The following C3orf20 variants were observed in gnomAD, a reference collection of about 807,000 sequenced individuals.
C3orf20 encodes uncharacterized protein C3orf20.
C3orf20 carries 76 observed loss-of-function variants against 88.3 expected under a neutral mutation model. The ratio of observed to expected loss-of-function variants is 0.86; its 90% CI spans 0.72 to 1.04. The LOEUF (loss-of-function observed/expected upper bound fraction) is 1.04, where lower values mean the gene tolerates loss of function less well. Among genes scored for constraint, C3orf20 ranks in the 50% least tolerant of loss-of-function variants. The pLI is 0.00. For missense variants in C3orf20, 1,056 were observed against 1,123.3 expected, an observed-to-expected ratio of 0.94 and a Z score of 0.86; for synonymous variants, 436 against 437.4, an observed-to-expected ratio of 1.00 and a Z score of 0.04.
intron 10 of C3orf20, among the ~76,000 whole-genome samples, chr3:14,723,149 G>T (rs2034226289): frequency 6.6e-6 from 1 of 152,222 alleles, no homozygotes; most frequent in African/African-American, 2.4e-5. Context: ...TGGTTTGGAT[G>T]ATAGATTATA....
chr3:14,770,069 G>T (rs919563619), intron 15 of C3orf20, among the ~76,000 whole-genome samples: 1 of 152,116 alleles, frequency 6.6e-6, no homozygotes, highest in Non-Finnish European at 1.5e-5. Context: ...GGGGCTCTAG[G>T]GGGGCCCTGG....
intron 1 of C3orf20, among the ~76,000 whole-genome samples, chr3:14,680,721 C>T (rs1056884758): frequency 3.3e-5 from 5 of 152,174 alleles, no homozygotes; most frequent in Non-Finnish European, 7.3e-5. Flanking sequence ...AACAAAGGAA[C>T]TGGTGGCAGG....
At chr3:14,739,927 A>T (rs2034850812) in intron 12 of C3orf20, among the ~76,000 whole-genome samples, 1 of 152,248 alleles carries the variant, frequency 6.6e-6, no homozygotes, top group Non-Finnish European at 1.5e-5. Flanking sequence ...GCCTTGCTCC[A>T]GATTAGGCAC....
At chr3:14,730,549 AAAT>A (rs370620909) in intron 12 of C3orf20, among the ~76,000 whole-genome samples, 6 of 151,854 alleles carry the variant, frequency 4.0e-5, no homozygotes, top group Non-Finnish European at 7.4e-5. Flanking sequence ...TGTGTCTCAA[AAAT>A]AATAATAATA....
At chr3:14,748,513 T>C (rs2035124346) in intron 12 of C3orf20, among the ~76,000 whole-genome samples, 1 of 152,138 alleles carries the variant, frequency 6.6e-6, no homozygotes, top group South Asian at 2.1e-4. Flanking sequence ...GTTTAGTTTG[T>C]TCTTCTTCTT....
chr3:14,723,970 C>T (rs1575127442), intron 10 of C3orf20, among the ~76,000 whole-genome samples: 1 of 152,070 alleles, frequency 6.6e-6, no homozygotes, highest in Non-Finnish European at 1.5e-5. Context: ...CAGGTGCCTA[C>T]CACCACACCA....
At chr3:14,733,877 C>T (rs530642952) in intron 12 of C3orf20, among the ~76,000 whole-genome samples, 58 of 151,954 alleles carry the variant, frequency 3.8e-4, no homozygotes, top group Admixed American at 5.9e-4. Flanking sequence ...TTAGTAGGGA[C>T]GGGGTTTCAC....
intron 6 of C3orf20, 145 bp from the exon 7 acceptor site, chr3:14,704,192 G>A: frequency 2.5e-6 from 2 of 813,448 alleles, no homozygotes; most frequent in East Asian, 2.6e-5. Flanking sequence ...TACCTTTATG[G>A]ACGAGGGAGC....
intron 10 of C3orf20, among the ~76,000 whole-genome samples, chr3:14,725,968 A>G (rs1380097664): frequency 1.3e-5 from 2 of 152,278 alleles, no homozygotes; most frequent in Non-Finnish European, 1.5e-5. Context: ...GGCTGAGGAA[A>G]TCAGGGAAGG....
intron 12 of C3orf20, among the ~76,000 whole-genome samples, chr3:14,754,906 G>C (rs1225311660): frequency 6.6e-6 from 1 of 151,950 alleles, no homozygotes; most frequent in Non-Finnish European, 1.5e-5. Flanking sequence ...TTAATTTTTA[G>C]TAGAGATGAT....
chr3:14,746,201 A>G (rs1428196614), intron 12 of C3orf20, among the ~76,000 whole-genome samples: 3 of 152,334 alleles, frequency 2.0e-5, no homozygotes, highest in Admixed American at 6.5e-5. Flanking sequence ...GTCCAATAAC[A>G]AGGAAAGTTG....
At position 14,713,062 on chromosome 3, in the gene C3orf20, T is replaced by C. The variant is rs148780558; in HGVS notation, c.1161-945T>C. Among the ~76,000 whole-genome samples the C allele has an allele frequency of 2.2e-4, 33 of 152,340 alleles. No homozygotes were observed. The East Asian group carries it at 2.9e-3, about 13-fold the overall frequency. On this transcript the variant is annotated intron_variant, in intron 7 of 16. Transcript: ENST00000253697. The stretch of plus-strand genomic sequence containing the variant: ...TCTTATATAAGATTAATCTCTTTTT[T>C]CTTGCTGCTTTCAAGATTCCCTCTT...
At chr3:14,681,922 C>T (rs896065148) in intron 1 of C3orf20, among the ~76,000 whole-genome samples, 4 of 152,144 alleles carry the variant, frequency 2.6e-5, no homozygotes, top group African/African-American at 9.7e-5. Flanking sequence ...TCAGGGTAAA[C>T]ATTACTGTAG....
Position 14,768,778 on chromosome 3 carries a change from T to C in C3orf20, c.2496-3289T>C, listed in dbSNP as rs373127390. 6.6e-6 allele frequency among the ~76,000 whole-genome samples: 1 copy of C among 152,054 alleles called. No individual in the cohort carries two copies. The highest frequency in any genetic ancestry group is 2.4e-5 in the African/African-American group (1 of 41,342). On this transcript the variant is annotated intron_variant, in intron 15 of 16. Coordinates refer to ENST00000253697, the MANE Select transcript of C3orf20 (RefSeq NM_032137.5). The surrounding 1 kb of genome is among the most constrained non-coding windows in gnomAD (Gnocchi z 4.1). ...GGGCTCCACACCCGACAAGGGCCTG[T>C]TCTTGTGGATGCTTTTCCTTTTCAC...
At chr3:14,756,998 C>T (rs182549135) in intron 12 of C3orf20, among the ~76,000 whole-genome samples, 1 of 152,230 alleles carries the variant, frequency 6.6e-6, no homozygotes, top group East Asian at 1.9e-4. Flanking sequence ...AGACTTGGAC[C>T]ACATCCGTGG....
At chr3:14,687,077 A>G (rs991594825) in intron 4 of C3orf20, among the ~76,000 whole-genome samples, 2 of 152,240 alleles carry the variant, frequency 1.3e-5, no homozygotes, top group African/African-American at 4.8e-5. Flanking sequence ...CTGCCGCAGA[A>G]GGGAAAACCG....
At chr3:14,702,504 G>C (rs1295158625) in intron 5 of C3orf20, among the ~76,000 whole-genome samples, 1 of 148,482 alleles carries the variant, frequency 6.7e-6, no homozygotes, top group African/African-American at 2.5e-5. Flanking sequence ...GCAGTGGTGT[G>C]ATTTCAGTTC....
In C3orf20 at chr3:14,682,870, G is replaced by A. The variant is rs763768196; in HGVS notation, c.157G>A (p.Glu53Lys). The A allele has an allele frequency of 6.2e-7, 1 of 1,614,220 alleles. No homozygotes were observed. Among genetic ancestry groups the A allele is most frequent in the Non-Finnish European group, 8.5e-7 (1 of 1,180,028 alleles). Residue 53 changes from glutamate to lysine, a missense_variant, in exon 3 of 17, where the codon GAG becomes AAG. Glu to Lys is a moderately conservative substitution (Grantham distance 56). Coordinates refer to ENST00000253697, the MANE Select transcript of C3orf20 (RefSeq NM_032137.5). ...IRNIFEFTWE[E>K]LISDPSVPTP... ...AAACATCTTTGAGTTCACTTGGGAAGAGCTCATCAGTGACCCTTCAGTGCC... is the reference window on the plus strand; with the variant it reads ...AAACATCTTTGAGTTCACTTGGGAAAAGCTCATCAGTGACCCTTCAGTGCC...
At chr3:14,677,690 G>A (rs1018266765) in intron 1 of C3orf20, among the ~76,000 whole-genome samples, 2 of 151,978 alleles carry the variant, frequency 1.3e-5, no homozygotes, top group Admixed American at 6.6e-5. Flanking sequence ...TACTGGAGAC[G>A]GGGTTTCACC....
Sources: allele counts gnomAD v4.1 joint callset (sites outside exome capture counted in the v4.1 genomes callset), GRCh38; gene constraint gnomAD v4.1.1; non-coding constraint Gnocchi (gnomAD v3.1); transcripts MANE v1.5; gene names NCBI Gene and HGNC (gene_info 2026-07-23, HGNC 2026-07-21).